KCNMA1: variants seen among roughly 807,000 people sequenced by gnomAD.
KCNMA1 encodes the protein Calcium-activated potassium channel subunit alpha-1.
In KCNMA1, 29 loss-of-function variants were observed where a neutral mutation model predicts 140.0. The observed-to-expected ratio is 0.21, with a 90% CI of 0.15 to 0.28. The LOEUF (loss-of-function observed/expected upper bound fraction) is 0.28. Among genes scored for constraint, KCNMA1 ranks in the 10% least tolerant of loss-of-function variants. The pLI, the probability that KCNMA1 is intolerant of heterozygous loss-of-function variation, is 1.00. For missense variants in KCNMA1, 880 were observed against 1,602.2 expected (o/e 0.55, Z 7.70); for synonymous variants, 612 against 611.9 (o/e 1.00, Z 0.00).
At chr10:76,926,738 G>C (rs188360891) in intron 23 of KCNMA1, among the ~76,000 whole-genome samples, 1 of 152,258 alleles carries the variant, frequency 6.6e-6, no homozygotes, top group East Asian at 1.9e-4. Flanking sequence ...TCATGGGGTT[G>C]TTCTTTTAAG....
At chr10:77,525,990 G>C (rs910585227) in intron 1 of KCNMA1, among the ~76,000 whole-genome samples, 1 of 152,168 alleles carries the variant, frequency 6.6e-6, no homozygotes, top group Non-Finnish European at 1.5e-5. Flanking sequence ...GAGAAGTATC[G>C]GGGGCTTTGG....
intron 14 of KCNMA1, 73 bp from the exon 15 acceptor site, chr10:77,039,710 T>A (rs759788592): frequency 1.1e-6 from 1 of 912,252 alleles, no homozygotes; most frequent in Non-Finnish European, 1.8e-6. Flanking sequence ...TGAGTTACAC[T>A]CTTAGGCAAA....
intron 23 of KCNMA1, among the ~76,000 whole-genome samples, chr10:76,921,728 A>G (rs577531296): frequency 6.6e-6 from 1 of 152,316 alleles, no homozygotes; most frequent in South Asian, 2.1e-4. Flanking sequence ...TAGAAGCACA[A>G]TTGCTTTCTA....
intron 1 of KCNMA1, among the ~76,000 whole-genome samples, chr10:77,530,077 C>T (rs561121812): frequency 6.6e-6 from 1 of 152,340 alleles, no homozygotes; most frequent in South Asian, 2.1e-4. Context: ...TTCGTTTCCT[C>T]TTCCTCCAGC....
chr10:77,474,136 G>T (rs542636503), intron 1 of KCNMA1, among the ~76,000 whole-genome samples: 1 of 152,174 alleles, frequency 6.6e-6, no homozygotes, highest in Non-Finnish European at 1.5e-5. Flanking sequence ...GAAGACAGGG[G>T]TGAAAACGCA....
chr10:77,145,490 A>C lies in KCNMA1; in HGVS notation c.809-24442T>G, dbSNP rs544074003. Among the ~76,000 whole-genome samples the C allele has an allele frequency of 2.0e-5, 3 of 152,216 alleles. No individual in the cohort carries two copies. In the South Asian group the frequency reaches 6.2e-4, roughly 32 times the overall value. On this transcript the variant is annotated intron_variant, in intron 5 of 27. Transcript: ENST00000286628. ...TCCCACCAGTGTGTCCCATGGTGCC[A>C]CCTGGTATTGTCTGCCTGAAAGAAT... is the stretch of plus-strand genomic sequence containing the variant.
intron 13 of KCNMA1, among the ~76,000 whole-genome samples, chr10:77,076,667 GC>G (rs2096407534): frequency 6.6e-6 from 1 of 152,216 alleles, no homozygotes; most frequent in South Asian, 2.1e-4. Flanking sequence ...ACCCTGGGAT[GC>G]TAAAATGCAC....
rs1246146812 is a variant in KCNMA1, at chr10:77,021,419, G to C, written c.1929-2320C>G. ...CTTAGTTGCTACTCTCAGTGAGCTA[G>C]GTGATTATAAAACTGAGAGGTAAAA... On this transcript the variant is annotated intron_variant, in intron 16 of 27. Coordinates refer to ENST00000286628, the MANE Select transcript of KCNMA1 (RefSeq NM_001161352.2). Among the ~76,000 whole-genome samples the C allele has an allele frequency of 2.6e-5, 4 of 152,158 alleles. No individual in the cohort carries two copies. The East Asian group carries it at 5.8e-4, about 22-fold the overall frequency.
At chr10:77,313,360 G>A (rs1222800759) in intron 2 of KCNMA1, among the ~76,000 whole-genome samples, 1 of 152,202 alleles carries the variant, frequency 6.6e-6, no homozygotes, top group Non-Finnish European at 1.5e-5. Context: ...GCCGGTAAGA[G>A]GAGCACTTCT....
chr10:77,625,690 TTA>T (rs1296387833), intron 1 of KCNMA1, among the ~76,000 whole-genome samples: 2 of 152,194 alleles, frequency 1.3e-5, no homozygotes, highest in African/African-American at 4.8e-5. Context: ...GCCTTCCTTT[TTA>T]AAGTTGAATA....
Position 77,079,369 on chromosome 10 carries a change from AGT to A in KCNMA1, c.1593+110_1593+111del, listed in dbSNP as rs68133946. ...AGTTGCGCACATGTGGGCATGTGAG[AGT>A]GTGTGTGTGTGTGTGTGTGTGTGTG... On this transcript the variant is annotated intron_variant, in intron 13 of 27. Transcript: ENST00000286628. 0.024 allele frequency: 15,478 copies of A among 657,726 alleles called. 116 individuals carry two copies. Among genetic ancestry groups the A allele is most frequent in the East Asian group, 0.1 (3,555 of 35,174 alleles). 40.7% of individuals were successfully genotyped at this position (657,726 alleles called of 1,614,324 possible).
rs753317360 is a variant in KCNMA1, at chr10:77,519,523, G to A, written c.379-115500C>T. The stretch of plus-strand genomic sequence containing the variant: ...TTTTTTTTGTTTTATGATTATTTGC[G>A]GGCACTGGTTCTCTTTCCATTAGCC... On this transcript the variant is annotated intron_variant, in intron 1 of 27. Transcript: ENST00000286628. Among the ~76,000 whole-genome samples the A allele has an allele frequency of 1.4e-4, 21 of 151,990 alleles. 1 individual carries two copies. Among genetic ancestry groups the A allele is most frequent in the East Asian group, 5.8e-4 (3 of 5,190 alleles).
intron 20 of KCNMA1, among the ~76,000 whole-genome samples, chr10:76,955,519 A>G (rs939409131): frequency 3.3e-5 from 5 of 152,222 alleles, no homozygotes; most frequent in Admixed American, 6.5e-5. Context: ...TTCAACGAAC[A>G]TGCTAGACTA....
At chr10:77,509,099 GTTTT>G (rs1567228309) in intron 1 of KCNMA1, among the ~76,000 whole-genome samples, 27 of 134,466 alleles carry the variant, frequency 2.0e-4, no homozygotes, top group Non-Finnish European at 3.8e-4. Flanking sequence ...ATTTTGTTGG[GTTTT>G]GTTGTTGTTG....
chr10:77,069,016 T>C (rs972066086), intron 14 of KCNMA1, among the ~76,000 whole-genome samples: 35 of 151,992 alleles, frequency 2.3e-4, no homozygotes, highest in African/African-American at 8.5e-4. Context: ...TAAGTATGCA[T>C]AGTAAGACTC....
intron 17 of KCNMA1, among the ~76,000 whole-genome samples, chr10:77,018,071 C>T (rs547511502): frequency 6.6e-6 from 1 of 152,256 alleles, no homozygotes; most frequent in Admixed American, 6.5e-5. Flanking sequence ...GGACAAATCA[C>T]TTATCTCGAT....
rs72803370 is a variant in KCNMA1 at position 76,954,293 on chromosome 10, A to G, written c.2361-369T>C. On this transcript the variant is annotated intron_variant, in intron 20 of 27. Coordinates refer to ENST00000286628, the MANE Select transcript of KCNMA1 (RefSeq NM_001161352.2). ...TGCACACACACACACACACACACACATACACACACACAGACAGACACACCA... is the reference window on the plus strand; with the variant it reads ...TGCACACACACACACACACACACACGTACACACACACAGACAGACACACCA... Among the ~76,000 whole-genome samples the G allele has an allele frequency of 3.1e-3, 473 of 151,396 alleles. 4 individuals are homozygous for G. Among genetic ancestry groups the G allele is most frequent in the Middle Eastern group, 0.014 (4 of 294 alleles).
At chr10:77,211,251 A>C (rs902900850) in intron 3 of KCNMA1, among the ~76,000 whole-genome samples, 2 of 152,148 alleles carry the variant, frequency 1.3e-5, no homozygotes, top group Non-Finnish European at 2.9e-5. Context: ...GGTAAAAAAA[A>C]CAGACATATA....
chr10:76,930,315 G>A (rs2058947568), intron 23 of KCNMA1: 1 of 152,198 alleles, frequency 6.6e-6, no homozygotes, highest in African/African-American at 2.4e-5. Context: ...AATGGGCAAA[G>A]GAACCTAATA....
Sources: allele counts gnomAD v4.1 joint callset (sites outside exome capture counted in the v4.1 genomes callset), GRCh38; gene constraint gnomAD v4.1.1; transcripts MANE v1.5; gene names NCBI Gene and HGNC (gene_info 2026-07-23, HGNC 2026-07-21).